RPS6KA2: variants seen among roughly 807,000 people sequenced by gnomAD.
RPS6KA2 encodes ribosomal protein S6 kinase A2.
RPS6KA2 carries 42 observed loss-of-function variants against 91.8 expected under a neutral mutation model. The observed-to-expected ratio is 0.46, with a 90% CI of 0.36 to 0.59. The LOEUF (loss-of-function observed/expected upper bound fraction) is 0.59. Among genes scored for constraint, RPS6KA2 ranks in the 20% least tolerant of loss-of-function variants. The pLI, the probability that RPS6KA2 is intolerant of heterozygous loss-of-function variation, is 0.00. For synonymous variants in RPS6KA2, 414 were observed against 393.6 expected (o/e 1.05, Z -0.61); for missense variants, 798 against 978.5 (o/e 0.82, Z 2.46).
At chr6:166,621,798 C>T (rs1049319535) in intron 1 of RPS6KA2, among the ~76,000 whole-genome samples, 1 of 152,188 alleles carries the variant, frequency 6.6e-6, no homozygotes, top group African/African-American at 2.4e-5. Context: ...TGAAGGTCCC[C>T]AAGGCCGCAC....
At chr6:166,502,845 G>A (rs986665268) in intron 6 of RPS6KA2, among the ~76,000 whole-genome samples, 9 of 152,344 alleles carry the variant, frequency 5.9e-5, no homozygotes, top group Non-Finnish European at 7.3e-5. Flanking sequence ...CAGCTGCGGA[G>A]GCTGCTCTCT....
chr6:166,423,312 C>T lies in RPS6KA2; in HGVS notation c.1687G>A (p.Ala563Thr). The change falls in exon 17 of 21, where the codon GCG becomes ACG. Residue 563 changes from alanine (A) to threonine (T), a missense_variant. Transcript: ENST00000265678. The surrounding 1 kb of genome is among the most constrained non-coding windows in gnomAD (Gnocchi z 4.8). ...CDFGFAKQLR[A>T]GNGLLMTPCY... Reference sequence around the variant, plus strand: ...GGTGTCATGAGCAGCCCGTTCCCCGCGCGCAGCTGCTTGGCAAAGCCGAAG... The same window carrying T: ...GGTGTCATGAGCAGCCCGTTCCCCGTGCGCAGCTGCTTGGCAAAGCCGAAG... 3 of 1,614,076 alleles carry T rather than the reference C, an allele frequency of 1.9e-6. No individual in the cohort carries two copies. Among genetic ancestry groups the T allele is most frequent in the Non-Finnish European group, 1.7e-6 (2 of 1,179,984 alleles).
At position 166,648,127 on chromosome 6, in the gene RPS6KA2, CACAT is replaced by C. The variant is rs1210673486; in HGVS notation, c.124-109347_124-109344del. 4.0e-5 allele frequency among the ~76,000 whole-genome samples: 6 copies of C among 150,936 alleles called. No individual in the cohort carries two copies. Among genetic ancestry groups the C allele is most frequent in the Non-Finnish European group, 8.9e-5 (6 of 67,720 alleles). ...ACACACGTGCACACACACGCTCATA[CACAT>C]ACATGCACACACGCACATGGTTACA... is the stretch of plus-strand genomic sequence containing the variant. On this transcript the variant is annotated intron_variant, in intron 2 of 21. Transcript: ENST00000503859. The surrounding 1 kb of genome is among the most constrained non-coding windows in gnomAD (Gnocchi z 4.8).
chr6:166,689,895 C>T (rs548089319), intron 2 of RPS6KA2, among the ~76,000 whole-genome samples: 1 of 152,380 alleles, frequency 6.6e-6, no homozygotes, highest in South Asian at 2.1e-4. Context: ...ATTCGGCCCT[C>T]AGGCCAAGTG....
At chr6:166,798,466 A>G (rs1779279508) in intron 2 of RPS6KA2, among the ~76,000 whole-genome samples, 1 of 152,238 alleles carries the variant, frequency 6.6e-6, no homozygotes, top group Non-Finnish European at 1.5e-5. Context: ...AGAGGGCATT[A>G]GGGAGCTTCC....
At chr6:166,421,236 A>G (rs1238529377) in intron 17 of RPS6KA2, among the ~76,000 whole-genome samples, 1 of 152,198 alleles carries the variant, frequency 6.6e-6, no homozygotes, top group Non-Finnish European at 1.5e-5. Flanking sequence ...TGAAAGTAAA[A>G]AAAGTTGGTA....
At chr6:166,429,124 A>G (rs558405194) in intron 16 of RPS6KA2, among the ~76,000 whole-genome samples, 1 of 152,246 alleles carries the variant, frequency 6.6e-6, no homozygotes, top group South Asian at 2.1e-4. Context: ...TGATGAGTTC[A>G]TGTCCTTTGT....
chr6:166,485,372 C>T (rs1031952113), intron 10 of RPS6KA2, among the ~76,000 whole-genome samples: 1 of 152,184 alleles, frequency 6.6e-6, no homozygotes, highest in Admixed American at 6.5e-5. Context: ...AAACTCGATT[C>T]TAAGGCAGGC....
chr6:166,470,056 G>C (rs551124272), intron 10 of RPS6KA2, 151 bp from the exon 11 acceptor site: 1 of 685,254 alleles, frequency 1.5e-6, no homozygotes, highest in East Asian at 2.7e-5. Flanking sequence ...AGGCACCTGC[G>C]CACCTGCCGA....
chr6:166,415,964 ATCT>A (rs748913368), intron 19 of RPS6KA2, among the ~76,000 whole-genome samples: 95 of 126,174 alleles, frequency 7.5e-4, no homozygotes, highest in Non-Finnish European at 1.3e-3. Context: ...CTTCACCATC[ATCT>A]TCACCATCTC....
intron 1 of RPS6KA2, among the ~76,000 whole-genome samples, chr6:166,566,226 C>T (rs1245748188): frequency 1.3e-5 from 2 of 152,196 alleles, no homozygotes; most frequent in East Asian, 1.9e-4. Flanking sequence ...CCATGTTCCT[C>T]TTCATGATTG....
chr6:166,743,884 G>A (rs916578749), intron 2 of RPS6KA2, among the ~76,000 whole-genome samples: 1 of 151,682 alleles, frequency 6.6e-6, no homozygotes, highest in African/African-American at 2.4e-5. Context: ...GGGCTTTGGC[G>A]GTGGTCAGTG....
At chr6:166,546,701 A>G (rs998872215) in intron 1 of RPS6KA2, among the ~76,000 whole-genome samples, 1 of 152,190 alleles carries the variant, frequency 6.6e-6, no homozygotes, top group Non-Finnish European at 1.5e-5. Flanking sequence ...GAAATTCTAC[A>G]ACTATCATCT....
At chr6:166,543,433 A>G (rs1046605085) in intron 1 of RPS6KA2, among the ~76,000 whole-genome samples, 2 of 152,038 alleles carry the variant, frequency 1.3e-5, no homozygotes, top group African/African-American at 4.8e-5. Context: ...TCATTATCTC[A>G]CCAAAGGTGC....
intron 2 of RPS6KA2, among the ~76,000 whole-genome samples, chr6:166,797,269 G>T (rs1779251191): frequency 6.6e-6 from 1 of 152,132 alleles, no homozygotes; most frequent in East Asian, 1.9e-4. Flanking sequence ...TCACAAAAGA[G>T]ATGGATGCCA....
At chr6:166,438,724 A>G (rs1779424060) in intron 14 of RPS6KA2, among the ~76,000 whole-genome samples, 2 of 152,226 alleles carry the variant, frequency 1.3e-5, no homozygotes, top group African/African-American at 4.8e-5. Context: ...TTGAAGATAC[A>G]ACAGGCCAAG....
intron 19 of RPS6KA2, among the ~76,000 whole-genome samples, chr6:166,416,446 CCAT>C (rs1403404940): frequency 1.3e-5 from 2 of 151,918 alleles, no homozygotes; most frequent in South Asian, 4.2e-4. Context: ...ACAATCACTA[CCAT>C]CATCTCTCAC....
intron 2 of RPS6KA2, among the ~76,000 whole-genome samples, chr6:166,658,573 A>G (rs1037304321): frequency 6.6e-6 from 1 of 152,106 alleles, no homozygotes; most frequent in Non-Finnish European, 1.5e-5. Flanking sequence ...AGGCCAGACT[A>G]CTTGATAAAA....
intron 1 of RPS6KA2, among the ~76,000 whole-genome samples, chr6:166,602,285 G>A (rs1242590647): frequency 6.6e-6 from 1 of 152,242 alleles, no homozygotes; most frequent in Non-Finnish European, 1.5e-5. Flanking sequence ...CGACTTTGGA[G>A]GAAATTTGGT....
Sources: allele counts gnomAD v4.1 joint callset (sites outside exome capture counted in the v4.1 genomes callset), GRCh38; gene constraint gnomAD v4.1.1; non-coding constraint Gnocchi (gnomAD v3.1); transcripts MANE v1.5; gene names NCBI Gene and HGNC (gene_info 2026-07-23, HGNC 2026-07-21).